The following HS6ST1 variants were observed in gnomAD, a reference collection of about 807,000 sequenced individuals.
HS6ST1 encodes heparan-sulfate 6-O-sulfotransferase 1.
In HS6ST1, 3 loss-of-function variants were observed where a neutral mutation model predicts 25.2. That is an observed-to-expected ratio of 0.12 (90% confidence interval 0.05 to 0.31). The LOEUF (loss-of-function observed/expected upper bound fraction) is 0.31, where lower values mean the gene tolerates loss of function less well. Among genes scored for constraint, HS6ST1 ranks in the 10% least tolerant of loss-of-function variants. The pLI, the probability that HS6ST1 is intolerant of heterozygous loss-of-function variation, is 1.00. For missense variants in HS6ST1, 310 were observed against 609.6 expected, an observed-to-expected ratio of 0.51 and a Z score of 5.18; for synonymous variants, 204 against 275.1, an observed-to-expected ratio of 0.74 and a Z score of 2.56.
rs748170962 is a variant in HS6ST1 at position 128,268,697 on chromosome 2, G to A, written c.701C>T (p.Thr234Met). Residue 234 changes from threonine to methionine, a missense_variant, in exon 2 of 2, where the codon ACG becomes ATG. Physicochemically the swap from Thr to Met is moderately conservative, Grantham distance 81. Transcript: ENST00000259241. ...CGGGCAGTCCATGAACTCCTGTAGC[G>A]TGCAGCCCGACCAGTCCGTGCCCTC... is the stretch of plus-strand genomic sequence containing the variant. ...CYEGTDWSGCTLQEFMDCPYN... is the reference protein window; with the variant it reads ...CYEGTDWSGCMLQEFMDCPYN... 3.6e-5 allele frequency: 58 copies of A among 1,611,902 alleles called. No homozygotes were observed. Among genetic ancestry groups the A allele is most frequent in the Middle Eastern group, 2.0e-4 (1 of 5,092 alleles).
chr2:128,311,420 G>T (rs1214847320), intron 1 of HS6ST1, among the ~76,000 whole-genome samples: 1 of 152,128 alleles, frequency 6.6e-6, no homozygotes, highest in Non-Finnish European at 1.5e-5. Context: ...TTCCAGTGGG[G>T]CTCCCATCTG....
chr2:128,299,320 C>G (rs1261216772), intron 1 of HS6ST1, among the ~76,000 whole-genome samples: 1 of 152,260 alleles, frequency 6.6e-6, no homozygotes, highest in East Asian at 1.9e-4. Context: ...TGGACACAGG[C>G]CCATCAGCAG....
At chr2:128,285,193 C>T (rs1045054472) in intron 1 of HS6ST1, among the ~76,000 whole-genome samples, 22 of 152,252 alleles carry the variant, frequency 1.4e-4, no homozygotes, top group Non-Finnish European at 7.3e-5. Flanking sequence ...GTGTTCCACG[C>T]TCTCTGGGTT....
rs35313751 is a variant in HS6ST1, at chr2:128,268,883, G to A, written c.528-13C>T. 43,027 of 1,597,828 alleles carry A rather than the reference G, an allele frequency of 0.027. 785 individuals carry two copies. Among genetic ancestry groups the A allele is most frequent in the South Asian group, 0.069 (6,317 of 90,928 alleles). On this transcript the variant is annotated splice_polypyrimidine_tract_variant and intron_variant, in intron 1 of 1. Coordinates refer to ENST00000259241, the MANE Select transcript of HS6ST1 (RefSeq NM_004807.3). ...GTAGTAGAACTTCCTGCAAGGAGAC[G>A]GGGAGAGGAGGTGAGGGCTGTGACG...
At chr2:128,271,433 G>T (rs1038217313) in intron 1 of HS6ST1, among the ~76,000 whole-genome samples, 1 of 152,200 alleles carries the variant, frequency 6.6e-6, no homozygotes, top group African/African-American at 2.4e-5. Flanking sequence ...GAGGGTCCGG[G>T]TCACCTGCCT....
intron 1 of HS6ST1, among the ~76,000 whole-genome samples, chr2:128,288,091 C>T (rs547413161): frequency 3.3e-4 from 50 of 152,336 alleles, no homozygotes; most frequent in African/African-American, 1.2e-3. Context: ...CGGGCTGGCT[C>T]GGCCTGAGAC....
chr2:128,306,950 G>T (rs1292558027), intron 1 of HS6ST1, among the ~76,000 whole-genome samples: 1 of 152,032 alleles, frequency 6.6e-6, no homozygotes, highest in African/African-American at 2.4e-5. Context: ...TGGACATTCA[G>T]CTCTTTGGCC....
intron 1 of HS6ST1, among the ~76,000 whole-genome samples, chr2:128,278,273 C>A (rs1558870174): frequency 1.3e-5 from 2 of 152,232 alleles, no homozygotes. Context: ...CCTCTGCCTT[C>A]GAGTGCTGAT....
intron 1 of HS6ST1, among the ~76,000 whole-genome samples, chr2:128,286,034 A>T (rs1225888296): frequency 1.3e-5 from 2 of 152,294 alleles, no homozygotes; most frequent in East Asian, 3.9e-4. Flanking sequence ...AGCCCCAGGG[A>T]CTGTCTCCAT....
Position 128,265,769 on chromosome 2 carries a change from TC to T in HS6ST1, c.*2392del, listed in dbSNP as rs1558864805. On this transcript the variant is annotated 3_prime_UTR_variant, in exon 2 of 2. Transcript: ENST00000259241. ...GAGGGGACGTTTGCAGGTCTGGGGG[TC>T]CTGGTGACTAAGCTGTTAGCTCCAC... 1 of 152,050 alleles carries T rather than the reference TC, an allele frequency of 6.6e-6. No individual in the cohort carries two copies. The highest frequency in any genetic ancestry group is 1.5e-5 in the Non-Finnish European group (1 of 68,014). 9.4% of individuals were successfully genotyped at this position (152,050 alleles called of 1,614,324 possible).
chr2:128,307,137 C>T (rs534798803), intron 1 of HS6ST1, among the ~76,000 whole-genome samples: 16 of 152,242 alleles, frequency 1.1e-4, no homozygotes, highest in Admixed American at 3.3e-4. Flanking sequence ...CCAACACATG[C>T]GGCAAAATCG....
chr2:128,281,053 T>C (rs1046443168), intron 1 of HS6ST1, among the ~76,000 whole-genome samples: 4 of 152,354 alleles, frequency 2.6e-5, no homozygotes, highest in African/African-American at 7.2e-5. Flanking sequence ...CCCTCAAGCA[T>C]GGGCTGGGCT....
intron 1 of HS6ST1, among the ~76,000 whole-genome samples, chr2:128,297,055 C>T (rs1694049544): frequency 6.6e-6 from 1 of 152,140 alleles, no homozygotes; most frequent in African/African-American, 2.4e-5. Context: ...AAGCGAGACC[C>T]TGTCTCAAAA....
chr2:128,294,518 A>G (rs1694010263), intron 1 of HS6ST1, among the ~76,000 whole-genome samples: 1 of 152,148 alleles, frequency 6.6e-6, no homozygotes, highest in Admixed American at 6.5e-5. Context: ...CACCAGTTTC[A>G]ATAGGTTGGT....
intron 1 of HS6ST1, among the ~76,000 whole-genome samples, chr2:128,308,394 G>C (rs921344922): frequency 3.3e-5 from 5 of 152,190 alleles, no homozygotes; most frequent in African/African-American, 1.2e-4. Context: ...ACAAGGCCTG[G>C]GCCCTCAGCC....
intron 1 of HS6ST1, among the ~76,000 whole-genome samples, chr2:128,301,664 G>A (rs1694129253): frequency 6.6e-6 from 1 of 152,196 alleles, no homozygotes; most frequent in Non-Finnish European, 1.5e-5. Context: ...ATATGAGCGT[G>A]AGCGTGCGTG....
At chr2:128,279,890 C>T (rs1052597918) in intron 1 of HS6ST1, among the ~76,000 whole-genome samples, 1 of 152,250 alleles carries the variant, frequency 6.6e-6, no homozygotes, top group South Asian at 2.1e-4. Flanking sequence ...CACCCGGCCA[C>T]ACTCAGCGAC....
intron 1 of HS6ST1, among the ~76,000 whole-genome samples, chr2:128,274,972 A>G (rs1693669475): frequency 6.7e-6 from 1 of 150,322 alleles, no homozygotes; most frequent in Admixed American, 6.6e-5. Context: ...TCAAAAAAAA[A>G]AAAAAAAAAA....
intron 1 of HS6ST1, among the ~76,000 whole-genome samples, chr2:128,292,156 G>A (rs1205986073): frequency 2.0e-5 from 3 of 152,202 alleles, no homozygotes; most frequent in East Asian, 3.9e-4. Flanking sequence ...GGGATTCCTG[G>A]CCCTGCCCAG....
Sources: allele counts gnomAD v4.1 joint callset (sites outside exome capture counted in the v4.1 genomes callset), GRCh38; gene constraint gnomAD v4.1.1; transcripts MANE v1.5; gene names NCBI Gene and HGNC (gene_info 2026-07-23, HGNC 2026-07-21).